BTBD3: variants seen among roughly 807,000 people sequenced by gnomAD.
The protein encoded by BTBD3 is BTB/POZ domain-containing protein 3.
In BTBD3, 14 loss-of-function variants were observed where a neutral mutation model predicts 41.6. The ratio of observed to expected loss-of-function variants is 0.34; its 90% CI spans 0.22 to 0.53. The LOEUF (loss-of-function observed/expected upper bound fraction) is 0.53, where lower values mean the gene tolerates loss of function less well. Among genes scored for constraint, BTBD3 ranks in the 20% least tolerant of loss-of-function variants. The pLI is 0.95. For synonymous variants in BTBD3, 249 were observed against 233.7 expected (o/e 1.07, Z -0.60); for missense variants, 426 against 654.7 (o/e 0.65, Z 3.81).
At chr20:11,906,525 A>G (rs554307678) in intron 1 of BTBD3, among the ~76,000 whole-genome samples, 2 of 152,056 alleles carry the variant, frequency 1.3e-5, no homozygotes, top group East Asian at 1.9e-4. Context: ...AGGCCTCCCA[A>G]AGTGCTAGGA....
At chr20:11,912,803 A>G (rs1479554782) in intron 1 of BTBD3, among the ~76,000 whole-genome samples, 1 of 152,222 alleles carries the variant, frequency 6.6e-6, no homozygotes, top group East Asian at 1.9e-4. Flanking sequence ...GAGGCTCACA[A>G]ATACTGACCT....
At chr20:11,894,038 G>A (rs1208235681) in intron 1 of BTBD3, among the ~76,000 whole-genome samples, 4 of 152,226 alleles carry the variant, frequency 2.6e-5, no homozygotes, top group Non-Finnish European at 4.4e-5. Flanking sequence ...TGAGAATACA[G>A]TATTAAACCC....
At chr20:11,915,930 T>C (rs1304312682), upstream of BTBD3, among the ~76,000 whole-genome samples, 1 of 152,200 alleles carries the variant, frequency 6.6e-6, no homozygotes, top group East Asian at 1.9e-4. Flanking sequence ...AACTTAGTGG[T>C]GTAAGAGCCA....
intron 1 of BTBD3, among the ~76,000 whole-genome samples, chr20:11,906,056 G>GATTT (rs1299485748): frequency 6.6e-6 from 1 of 151,676 alleles, no homozygotes; most frequent in Non-Finnish European, 1.5e-5. Flanking sequence ...AATTTGAGCA[G>GATTT]ATTTATTTAT....
chr20:11,908,321 G>GTGTTTTT (rs2056868621), intron 1 of BTBD3, among the ~76,000 whole-genome samples: 3 of 77,074 alleles, frequency 3.9e-5, no homozygotes, highest in Non-Finnish European at 5.0e-5. Context: ...CTTCTCTGTG[G>GTGTTTTT]TTTTTTTTTT....
Position 11,926,177 on chromosome 20 carries a change from A to G in BTBD3, c.*2511A>G, listed in dbSNP as rs757410198. 3.9e-5 allele frequency: 6 copies of G among 152,802 alleles called. No individual in the cohort carries two copies. The highest frequency in any genetic ancestry group is 3.4e-3 in the Middle Eastern group (1 of 294). 9.5% of individuals were successfully genotyped at this position (152,802 alleles called of 1,614,324 possible). ...AACTTTATTCTATAAACACAACTTTATTAAGCAGAATACACTGTAGATGCT... is the reference window on the plus strand; with the variant it reads ...AACTTTATTCTATAAACACAACTTTGTTAAGCAGAATACACTGTAGATGCT... On this transcript the variant is annotated 3_prime_UTR_variant, in exon 4 of 4. Coordinates refer to ENST00000378226, the MANE Select transcript of BTBD3 (RefSeq NM_014962.4).
chr20:11,894,079 C>G (rs2056772166), intron 1 of BTBD3, among the ~76,000 whole-genome samples: 1 of 152,230 alleles, frequency 6.6e-6, no homozygotes. Context: ...CGGCCACTTC[C>G]TAAGTGACCT....
intron 3 of BTBD3, among the ~76,000 whole-genome samples, chr20:11,920,436 A>T (rs1260856064): frequency 6.6e-6 from 1 of 152,246 alleles, no homozygotes; most frequent in Non-Finnish European, 1.5e-5. Flanking sequence ...ATAGTCTCGT[A>T]CAGTTTCATG....
chr20:11,891,999 C>G (rs1472437022), intron 1 of BTBD3, among the ~76,000 whole-genome samples: 1 of 152,084 alleles, frequency 6.6e-6, no homozygotes, highest in Non-Finnish European at 1.5e-5. Context: ...CAGGTGATCG[C>G]GCAGCCGAGT....
intron 1 of BTBD3, among the ~76,000 whole-genome samples, chr20:11,898,282 T>G (rs1243946211): frequency 6.6e-6 from 1 of 152,196 alleles, no homozygotes; most frequent in African/African-American, 2.4e-5. Flanking sequence ...ACCTCCTTGC[T>G]AATCCTTGAA....
chr20:11,893,127 A>G (rs2056766313), intron 1 of BTBD3, among the ~76,000 whole-genome samples: 1 of 152,168 alleles, frequency 6.6e-6, no homozygotes, highest in African/African-American at 2.4e-5. Flanking sequence ...CTTGCAAGGA[A>G]CTGTTAAAAC....
chr20:11,890,897 G>C (rs1490834022), exon 1 of BTBD3: 4 of 984,760 alleles, frequency 4.1e-6, no homozygotes, highest in Non-Finnish European at 2.4e-6. Flanking sequence ...CCTGAGGAGC[G>C]GGCACAGGGC....
intron 1 of BTBD3, among the ~76,000 whole-genome samples, chr20:11,912,853 C>G (rs1179681341): frequency 6.6e-6 from 1 of 152,186 alleles, no homozygotes; most frequent in Non-Finnish European, 1.5e-5. Context: ...TTTAGCTATG[C>G]TATGCTTCCA....
chr20:11,894,867 C>T (rs1371539311), intron 1 of BTBD3, among the ~76,000 whole-genome samples: 1 of 151,952 alleles, frequency 6.6e-6, no homozygotes, highest in Non-Finnish European at 1.5e-5. Flanking sequence ...AAGACTAAGG[C>T]GTTGAGGAAG....
intron 2 of BTBD3, 132 bp downstream of exon 2, chr20:11,919,308 G>C: frequency 7.5e-7 from 1 of 1,336,166 alleles, no homozygotes; most frequent in Middle Eastern, 2.6e-4. Flanking sequence ...GGGAGAGAGC[G>C]CACCCTCTCC....
At chr20:11,920,343 A>G (rs1465695318) in intron 3 of BTBD3, among the ~76,000 whole-genome samples, 1 of 152,216 alleles carries the variant, frequency 6.6e-6, no homozygotes, top group African/African-American at 2.4e-5. Flanking sequence ...ACATACATAT[A>G]CATACTCATA....
chr20:11,904,173 G>A (rs2056839876), intron 1 of BTBD3, among the ~76,000 whole-genome samples: 1 of 152,160 alleles, frequency 6.6e-6, no homozygotes, highest in Admixed American at 6.5e-5. Flanking sequence ...AAAGAAAAGA[G>A]GTTTAATTGG....
At chr20:11,891,126 A>T (rs1243308416) in intron 1 of BTBD3, among the ~76,000 whole-genome samples, 4 of 149,722 alleles carry the variant, frequency 2.7e-5, no homozygotes, top group African/African-American at 9.8e-5. Context: ...AGAGGATCCC[A>T]TATCCGTCCC....
chr20:11,897,831 A>T (rs1265398382), intron 1 of BTBD3, among the ~76,000 whole-genome samples: 1 of 152,196 alleles, frequency 6.6e-6, no homozygotes, highest in Non-Finnish European at 1.5e-5. Flanking sequence ...TGTCACTCAG[A>T]ATAAAGGCCA....
Sources: allele counts gnomAD v4.1 joint callset (sites outside exome capture counted in the v4.1 genomes callset), GRCh38; gene constraint gnomAD v4.1.1; transcripts MANE v1.5; gene names NCBI Gene and HGNC (gene_info 2026-07-23, HGNC 2026-07-21).